The following ADD2 variants were observed in gnomAD, a reference collection of about 807,000 sequenced individuals.
The protein encoded by ADD2 is beta-adducin.
Under a neutral mutation model 83.0 loss-of-function variants are expected in ADD2, and 23 were observed. That is an observed-to-expected ratio of 0.28 (90% CI 0.20 to 0.39). The LOEUF (loss-of-function observed/expected upper bound fraction) is 0.39, where lower values mean the gene tolerates loss of function less well. Among genes scored for constraint, ADD2 ranks in the 10% least tolerant of loss-of-function variants. The pLI is 1.00. For synonymous variants in ADD2, 375 were observed against 375.4 expected (o/e 1.00, Z 0.01); for missense variants, 758 against 944.9 (o/e 0.80, Z 2.59).
At chr2:70,698,495 A>C (rs1399355180) in intron 4 of ADD2, among the ~76,000 whole-genome samples, 1 of 152,246 alleles carries the variant, frequency 6.6e-6, no homozygotes, top group Non-Finnish European at 1.5e-5. Context: ...AAGTTCTAGA[A>C]TTTGAAAGTA....
rs1235118373 is a variant in ADD2 at position 70,757,426 on chromosome 2, T to C, written c.-154+10460A>G. Among the ~76,000 whole-genome samples the C allele has an allele frequency of 3.3e-5, 5 of 152,130 alleles. No homozygotes were observed. In the East Asian group the frequency reaches 5.8e-4, roughly 18 times the overall value. ...GGAGACGAATAAAGAAAAATAATGATATATTTTATGAAATAAGAGAGAGGA... is the reference window on the plus strand; with the variant it reads ...GGAGACGAATAAAGAAAAATAATGACATATTTTATGAAATAAGAGAGAGGA... On this transcript the variant is annotated intron_variant, in intron 1 of 15. Transcript: ENST00000264436.
At chr2:70,707,237 G>A (rs1671951386) in intron 2 of ADD2, among the ~76,000 whole-genome samples, 1 of 152,202 alleles carries the variant, frequency 6.6e-6, no homozygotes, top group African/African-American at 2.4e-5. Flanking sequence ...AAAAAGAGGT[G>A]TGCAACTTTA....
At chr2:70,726,186 CAA>C (rs34333514) in intron 1 of ADD2, among the ~76,000 whole-genome samples, 4 of 45,492 alleles carry the variant, frequency 8.8e-5, no homozygotes, top group Non-Finnish European at 1.7e-4. Context: ...GACTCCATCT[CAA>C]AAAAAAAAAA....
Position 70,660,027 on chromosome 2 carries a change from T to C in ADD2, c.*3398A>G, listed in dbSNP as rs1309654733. On this transcript the variant is annotated 3_prime_UTR_variant, in exon 16 of 16. Transcript: ENST00000264436. ...GCTCTTGAATACACATTTTCTCCAG[T>C]CAGATATTGGTCAAAGTTTTCAGCC... 1.3e-5 allele frequency: 2 copies of C among 152,194 alleles called. No homozygotes were observed. Among genetic ancestry groups the C allele is most frequent in the Non-Finnish European group, 2.9e-5 (2 of 68,018 alleles). 9.4% of individuals were successfully genotyped at this position (152,194 alleles called of 1,614,324 possible).
intron 1 of ADD2, among the ~76,000 whole-genome samples, chr2:70,736,663 T>A (rs1301950722): frequency 6.6e-6 from 1 of 152,206 alleles, no homozygotes; most frequent in Non-Finnish European, 1.5e-5. Context: ...TCATATACTT[T>A]TCAAGAAGCT....
chr2:70,687,658 T>C (rs1670809247), intron 9 of ADD2, among the ~76,000 whole-genome samples: 1 of 152,128 alleles, frequency 6.6e-6, no homozygotes, highest in African/African-American at 2.4e-5. Flanking sequence ...CTGTTGGGCA[T>C]AGGTGCAACA....
chr2:70,674,815 C>T lies in ADD2; in HGVS notation c.1604G>A (p.Ser535Asn). The T allele has an allele frequency of 6.2e-7, 1 of 1,613,810 alleles. No homozygotes were observed. The part of the protein sequence containing the change: ...AEKSRSPSTE[S>N]QLMSKGDEDT... ...CTCGTCTCCCTTGGACATCAGCTGGCTCTCTGTAGACTGAAAGTTAACCAC... is the reference window on the plus strand; with the variant it reads ...CTCGTCTCCCTTGGACATCAGCTGGTTCTCTGTAGACTGAAAGTTAACCAC... Residue 535 changes from serine (S) to asparagine (N), a missense_variant, in exon 14 of 16, where the codon AGC becomes AAC. Around this residue, in one of 5 missense-constraint regions of ADD2, gnomAD observed 394 missense variants for 509.3 expected, o/e 0.77. Transcript: ENST00000264436.
At chr2:70,748,931 T>C (rs1218225945) in intron 1 of ADD2, among the ~76,000 whole-genome samples, 1 of 152,176 alleles carries the variant, frequency 6.6e-6, no homozygotes, top group Non-Finnish European at 1.5e-5. Flanking sequence ...ACACTTAAAC[T>C]GCTTGAGCTG....
At chr2:70,675,721 C>A (rs1193951603) in intron 13 of ADD2, 3 of 985,308 alleles carry the variant, frequency 3.0e-6, no homozygotes, top group Non-Finnish European at 3.6e-6. Context: ...TGCCCCTGGG[C>A]CCCTTCCAAA....
chr2:70,674,188 A>G (rs1211460962), intron 14 of ADD2, among the ~76,000 whole-genome samples: 1 of 152,150 alleles, frequency 6.6e-6, no homozygotes, highest in Admixed American at 6.5e-5. Context: ...GGAAGAGACA[A>G]AGGTAGGAAC....
At chr2:70,744,596 A>G (rs990464144) in intron 1 of ADD2, among the ~76,000 whole-genome samples, 1 of 152,244 alleles carries the variant, frequency 6.6e-6, no homozygotes, top group African/African-American at 2.4e-5. Context: ...AAAGAAGTCC[A>G]TTGTGGCTGA....
chr2:70,741,642 G>GT (rs1673916116), intron 1 of ADD2, among the ~76,000 whole-genome samples: 1 of 152,212 alleles, frequency 6.6e-6, no homozygotes, highest in Admixed American at 6.5e-5. Context: ...GAAGAAGCAT[G>GT]TTAAAGCCTT....
At chr2:70,743,268 T>C (rs1553381420) in intron 1 of ADD2, among the ~76,000 whole-genome samples, 1 of 152,222 alleles carries the variant, frequency 6.6e-6, no homozygotes, top group East Asian at 1.9e-4. Flanking sequence ...GCATGTGTAA[T>C]TGGATAATAC....
chr2:70,724,780 G>A (rs980549899), intron 1 of ADD2, among the ~76,000 whole-genome samples: 3 of 152,314 alleles, frequency 2.0e-5, no homozygotes, highest in Middle Eastern at 3.4e-3. Context: ...AGGGAGATGT[G>A]CTCTACATCC....
At chr2:70,716,618 T>A (rs1347533124) in intron 1 of ADD2, among the ~76,000 whole-genome samples, 1 of 152,198 alleles carries the variant, frequency 6.6e-6, no homozygotes, top group Non-Finnish European at 1.5e-5. Context: ...TGGTGCCAGT[T>A]AGGTGCTGAA....
At chr2:70,746,976 C>G (rs1177611087) in intron 1 of ADD2, among the ~76,000 whole-genome samples, 1 of 151,610 alleles carries the variant, frequency 6.6e-6, no homozygotes, top group African/African-American at 2.4e-5. Flanking sequence ...CAAATGGTCC[C>G]TGCACTCCAG....
rs1451168068 is a variant in ADD2 at position 70,659,355 on chromosome 2, C to T, written c.*4070G>A. 2 of 152,146 alleles carry T rather than the reference C, an allele frequency of 1.3e-5. No homozygotes were observed. Among genetic ancestry groups the T allele is most frequent in the Non-Finnish European group, 2.9e-5 (2 of 68,032 alleles). The allele number at this position is 152,146 out of a possible 1,614,324, so 9.4% of individuals were successfully genotyped here. ...AGTGGATTTATAGCATTTTCCCCCA[C>T]ACTAGCAGTAGCCCTGCTACAACAA... On this transcript the variant is annotated 3_prime_UTR_variant, in exon 16 of 16. Transcript: ENST00000264436.
intron 1 of ADD2, among the ~76,000 whole-genome samples, chr2:70,758,561 G>A (rs1674917948): frequency 1.3e-5 from 2 of 152,006 alleles, no homozygotes; most frequent in Non-Finnish European, 2.9e-5. Flanking sequence ...TTATCCGGAG[G>A]GTAGAGAAAT....
chr2:70,726,634 T>C (rs1553378340), intron 1 of ADD2, among the ~76,000 whole-genome samples: 1 of 152,160 alleles, frequency 6.6e-6, no homozygotes, highest in Non-Finnish European at 1.5e-5. Context: ...TTGATGGAAA[T>C]GTATAAATCA....
Sources: gnomAD v4.1 joint callset for allele counts (sites outside exome capture counted in the v4.1 genomes callset) on GRCh38, gnomAD v4.1.1 for gene constraint, gnomAD v4.1.1 regional missense constraint, MANE v1.5 for transcripts, NCBI Gene and HGNC (gene_info 2026-07-23, HGNC 2026-07-21) for gene names.